The following DPYSL3 variants were observed in gnomAD, a reference collection of about 807,000 sequenced individuals.
DPYSL3 encodes dihydropyrimidinase like 3, also known as dihydropyrimidinase-related protein 3.
Under a neutral mutation model 66.1 loss-of-function variants are expected in DPYSL3, and 16 were observed. That is an observed-to-expected ratio of 0.24 (90% confidence interval 0.16 to 0.37). DPYSL3 has a LOEUF of 0.37. Among genes scored for constraint, DPYSL3 ranks in the 10% least tolerant of loss-of-function variants. DPYSL3 has a pLI of 1.00. For missense variants in DPYSL3, 738 were observed against 916.2 expected (o/e 0.81, Z 2.51); for synonymous variants, 338 against 345.1 (o/e 0.98, Z 0.23).
intron 2 of DPYSL3, among the ~76,000 whole-genome samples, chr5:147,420,278 C>T (rs1388364152): frequency 6.6e-6 from 1 of 152,160 alleles, no homozygotes; most frequent in Non-Finnish European, 1.5e-5. Flanking sequence ...GGTTGTGCTG[C>T]AGATTAAATG....
intron 1 of DPYSL3, chr5:147,453,617 C>T (rs1042566506): frequency 3.3e-6 from 5 of 1,526,138 alleles, no homozygotes; most frequent in Non-Finnish European, 4.4e-6. Flanking sequence ...GCGGCTGGCT[C>T]CCTCCCTCCT....
chr5:147,450,489 T>C (rs1015021071), intron 1 of DPYSL3, among the ~76,000 whole-genome samples: 1 of 152,030 alleles, frequency 6.6e-6, no homozygotes, highest in Non-Finnish European at 1.5e-5. Context: ...TGTGTTGAGG[T>C]AGAACAGATA....
At chr5:147,484,851 G>A (rs921418856) in intron 1 of DPYSL3, among the ~76,000 whole-genome samples, 2 of 152,160 alleles carry the variant, frequency 1.3e-5, no homozygotes, top group Admixed American at 6.5e-5. Flanking sequence ...AAACAGAAAT[G>A]CTTATTTAGA....
chr5:147,427,931 C>G (rs1288267430), intron 1 of DPYSL3, among the ~76,000 whole-genome samples: 1 of 152,188 alleles, frequency 6.6e-6, no homozygotes, highest in Non-Finnish European at 1.5e-5. Context: ...TCTGTCTGAA[C>G]TGAGACCAGT....
At chr5:147,425,641 AT>A (rs1273994973) in intron 1 of DPYSL3, among the ~76,000 whole-genome samples, 1 of 152,206 alleles carries the variant, frequency 6.6e-6, no homozygotes, top group Non-Finnish European at 1.5e-5. Context: ...GCATTTCTTT[AT>A]TGCTTTAATT....
chr5:147,505,564 A>G (rs1420901556), intron 1 of DPYSL3, among the ~76,000 whole-genome samples: 1 of 152,162 alleles, frequency 6.6e-6, no homozygotes, highest in Non-Finnish European at 1.5e-5. Flanking sequence ...TTCTGTAAAC[A>G]CTTCTGTTAT....
chr5:147,406,911 TGGCTGAGCTGGCCTC>T (rs1192846310), intron 7 of DPYSL3, among the ~76,000 whole-genome samples: 1 of 152,190 alleles, frequency 6.6e-6, no homozygotes, highest in African/African-American at 2.4e-5. Flanking sequence ...AGAACTTGGC[TGGCTGAGCTGGCCTC>T]CCCCAAGCTG....
intron 2 of DPYSL3, among the ~76,000 whole-genome samples, chr5:147,422,028 G>A (rs1019686690): frequency 3.3e-5 from 5 of 152,120 alleles, no homozygotes; most frequent in Admixed American, 3.3e-4. Flanking sequence ...TTAAACTAAA[G>A]AGCTTCTGCA....
chr5:147,453,982 T>C (rs1752798155), intron 1 of DPYSL3: 2 of 209,388 alleles, frequency 9.6e-6, no homozygotes, highest in East Asian at 1.0e-4. Flanking sequence ...TCTTTTTCTT[T>C]CTTTTTTTTT....
At position 147,425,021 on chromosome 5, in the gene DPYSL3, T is replaced by C. The variant is rs928296521; in HGVS notation, c.382-58A>G. The C allele has an allele frequency of 3.6e-6, 5 of 1,381,276 alleles. No individual in the cohort carries two copies. The African/African-American group carries it at 5.8e-5, about 16-fold the overall frequency. 85.6% of individuals were successfully genotyped at this position (1,381,276 alleles called of 1,614,324 possible). A position where few individuals can be genotyped will look rare whatever the true frequency, so the allele number is the denominator to read the frequency against. On this transcript the variant is annotated intron_variant, in intron 1 of 13. Coordinates refer to ENST00000343218, the MANE Select transcript of DPYSL3 (RefSeq NM_001197294.2). ...CAGGTATGATTTCAGAGAAGAGTGA[T>C]CTGCCAAGGTTTTCCCAATTCATTG...
intron 1 of DPYSL3, among the ~76,000 whole-genome samples, chr5:147,474,425 T>C (rs963063444): frequency 1.3e-5 from 2 of 152,128 alleles, no homozygotes; most frequent in Non-Finnish European, 2.9e-5. Flanking sequence ...TTTTCATTTA[T>C]TCCTCACAAA....
chr5:147,484,705 G>A (rs1004569692), intron 1 of DPYSL3, among the ~76,000 whole-genome samples: 1 of 152,154 alleles, frequency 6.6e-6, no homozygotes, highest in Non-Finnish European at 1.5e-5. Flanking sequence ...TTAAAAAATC[G>A]AGGCATATAA....
intron 13 of DPYSL3, among the ~76,000 whole-genome samples, chr5:147,394,468 C>G (rs1757911252): frequency 6.6e-6 from 1 of 152,144 alleles, no homozygotes; most frequent in Non-Finnish European, 1.5e-5. Context: ...TCCTCACCAC[C>G]ATGGTTTGAG....
Position 147,443,515 on chromosome 5 carries a change from T to C in DPYSL3, c.382-18552A>G, listed in dbSNP as rs547866820. Among the ~76,000 whole-genome samples the C allele has an allele frequency of 1.8e-3, 277 of 150,272 alleles. 1 individual carries two copies. Among genetic ancestry groups the C allele is most frequent in the African/African-American group, 6.6e-3 (272 of 40,948 alleles). ...GGGTGATGGGAGGGAACTCAGAGGA[T>C]GGGTCAATAGGTGCAGCCAACCACC... On this transcript the variant is annotated intron_variant, in intron 1 of 13. Transcript: ENST00000343218.
chr5:147,399,009 A>G, intron 11 of DPYSL3, 73 bp downstream of exon 11: 1 of 1,563,066 alleles, frequency 6.4e-7, no homozygotes, highest in Non-Finnish European at 8.7e-7. Context: ...ACACCACATA[A>G]ACACATTTCT....
intron 1 of DPYSL3, among the ~76,000 whole-genome samples, chr5:147,428,605 C>T (rs199582410): frequency 6.6e-6 from 1 of 152,112 alleles, no homozygotes; most frequent in Non-Finnish European, 1.5e-5. Flanking sequence ...TTAACACATG[C>T]TAAGATCAAA....
intron 1 of DPYSL3, among the ~76,000 whole-genome samples, chr5:147,495,693 G>T (rs1303111585): frequency 1.3e-5 from 2 of 152,140 alleles, no homozygotes; most frequent in East Asian, 3.8e-4. Flanking sequence ...ACTTACAAGG[G>T]ATGTGAAGGG....
chr5:147,484,959 G>A (rs1049787473), intron 1 of DPYSL3, among the ~76,000 whole-genome samples: 1 of 152,158 alleles, frequency 6.6e-6, no homozygotes, highest in African/African-American at 2.4e-5. Flanking sequence ...CACCAGCATC[G>A]TTCCTTACTT....
At chr5:147,479,863 T>G (rs1161096577) in intron 1 of DPYSL3, among the ~76,000 whole-genome samples, 1 of 152,174 alleles carries the variant, frequency 6.6e-6, no homozygotes. Context: ...TTGCATTTAT[T>G]GGGCACTTGC....
Sources: allele counts gnomAD v4.1 joint callset (sites outside exome capture counted in the v4.1 genomes callset), GRCh38; gene constraint gnomAD v4.1.1; transcripts MANE v1.5; gene names NCBI Gene and HGNC (gene_info 2026-07-23, HGNC 2026-07-21).